The following SMARCAL1 variants were observed in gnomAD, a reference collection of about 807,000 sequenced individuals.
SMARCAL1 encodes ATP-driven annealing helicase.
SMARCAL1 carries 58 observed loss-of-function variants against 94.5 expected under a neutral mutation model. That is an observed-to-expected ratio of 0.61 (90% CI 0.50 to 0.76). SMARCAL1 has a LOEUF of 0.76. SMARCAL1 is among the 30% of genes least tolerant of loss of function. The probability of loss-of-function intolerance (pLI) is 0.00; values close to 1 mark genes in which losing one functional copy is unlikely to be tolerated. For synonymous variants in SMARCAL1, 422 were observed against 455.1 expected, an observed-to-expected ratio of 0.93 and a Z score of 0.93; for missense variants, 1,051 against 1,177.9, an observed-to-expected ratio of 0.89 and a Z score of 1.58.
At chr2:216,457,932 C>A (rs535510666) in intron 12 of SMARCAL1, among the ~76,000 whole-genome samples, 1 of 152,056 alleles carries the variant, frequency 6.6e-6, no homozygotes, top group African/African-American at 2.4e-5. Context: ...AATTGATAGA[C>A]CACTAGCAAG....
chr2:216,452,602 A>C (rs1262709990), intron 12 of SMARCAL1, among the ~76,000 whole-genome samples: 1 of 152,176 alleles, frequency 6.6e-6, no homozygotes, highest in Non-Finnish European at 1.5e-5. Flanking sequence ...CACCTCCTGA[A>C]CCAGTTTGAG....
intron 3 of SMARCAL1, 23 bp downstream of exon 3, chr2:216,415,538 G>GTTTTT: frequency 7.1e-7 from 1 of 1,399,858 alleles, no homozygotes. Flanking sequence ...TTTTTCAGCT[G>GTTTTT]TTTTTTTTTT....
At chr2:216,420,134 T>G (rs1407000727) in intron 4 of SMARCAL1, among the ~76,000 whole-genome samples, 165 bp from the exon 5 acceptor site, 1 of 152,058 alleles carries the variant, frequency 6.6e-6, no homozygotes, top group Non-Finnish European at 1.5e-5. Context: ...AAAAACACTT[T>G]CAAGTCTTCC....
rs761925475 is a variant in SMARCAL1, at chr2:216,475,839, C to T, written c.2427+388C>T. On this transcript the variant is annotated intron_variant, in intron 15 of 17. Transcript: ENST00000357276. The surrounding 1 kb of genome is among the most constrained non-coding windows in gnomAD (Gnocchi z 4.4). ...AGGATTATCGACTCCATTTTATCAA[C>T]GGGAAGGTTGAAGTCTTCCAGGGCT... is the stretch of plus-strand genomic sequence containing the variant. Among the ~76,000 whole-genome samples, 3 of 152,164 alleles carry T rather than the reference C, an allele frequency of 2.0e-5. No individual in the cohort carries two copies. Among genetic ancestry groups the T allele is most frequent in the South Asian group, 4.2e-4 (2 of 4,816 alleles).
chr2:216,476,313 G>T (rs374847398), intron 15 of SMARCAL1, among the ~76,000 whole-genome samples: 9 of 149,188 alleles, frequency 6.0e-5, no homozygotes, highest in East Asian at 5.8e-4. Flanking sequence ...ATGTTAGGTG[G>T]TTTTTTTTTT....
rs1001036860 is a variant in SMARCAL1 at position 216,449,383 on chromosome 2, T to C, written c.1852-1463T>C. On this transcript the variant is annotated intron_variant, in intron 11 of 17. Transcript: ENST00000357276. ...AATCCATAAGCCAGGGCTGCCTTTT[T>C]TTTTTCTTTTTCTTTTTCTTTTTCT... Among the ~76,000 whole-genome samples the C allele has an allele frequency of 3.3e-5, 5 of 150,534 alleles. No homozygotes were observed. In the East Asian group the frequency reaches 5.8e-4, roughly 18 times the overall value.
chr2:216,423,950 T>C (rs974210698), intron 6 of SMARCAL1, among the ~76,000 whole-genome samples: 131 of 152,326 alleles, frequency 8.6e-4, no homozygotes, highest in African/African-American at 3.1e-3. Flanking sequence ...ATCTTCCTGC[T>C]GTCATAGAAG....
intron 9 of SMARCAL1, 42 bp from the exon 10 acceptor site, chr2:216,438,378 C>T (rs1438016095): frequency 1.9e-6 from 3 of 1,562,656 alleles, no homozygotes; most frequent in Non-Finnish European, 1.8e-6. Context: ...TCTGTCCACT[C>T]AGGATTGGAT....
intron 6 of SMARCAL1, among the ~76,000 whole-genome samples, chr2:216,425,332 TACCACA>T (rs1693807198): frequency 6.6e-6 from 1 of 152,198 alleles, no homozygotes; most frequent in Non-Finnish European, 1.5e-5. Flanking sequence ...GGACTAGGCA[TACCACA>T]AGCAGCTTCT....
Position 216,451,046 on chromosome 2 carries a change from G to T in SMARCAL1, c.2052G>T (p.Met684Ile). Reference protein sequence around the residue: ...RAALDAAAKEMTTKDKTKQQQ... With the variant: ...RAALDAAAKEITTKDKTKQQQ... The stretch of plus-strand genomic sequence containing the variant: ...CCCTGGATGCTGCAGCCAAGGAAAT[G>T]ACCACCAAGGACAAAACTGTGAGTC... Residue 684 changes from methionine (M) to isoleucine (I), a missense_variant, in exon 12 of 18, where the codon ATG (methionine) becomes ATT (isoleucine). By Grantham distance (10) the Met-to-Ile change is conservative. Around this residue, in one of 3 missense-constraint regions of SMARCAL1, gnomAD observed 642 missense variants for 754.7 expected, o/e 0.85. Transcript: ENST00000357276. The T allele has an allele frequency of 6.2e-7, 1 of 1,614,040 alleles. No individual in the cohort carries two copies. The highest frequency in any genetic ancestry group is 1.1e-5 in the South Asian group (1 of 91,026).
At chr2:216,432,690 G>A (rs372726901) in intron 7 of SMARCAL1, 28 bp from the exon 8 acceptor site, 4 of 1,613,824 alleles carry the variant, frequency 2.5e-6, no homozygotes, top group African/African-American at 2.7e-5. Context: ...CCCGGGAAAT[G>A]TGCCATCCTC....
intron 3 of SMARCAL1, 106 bp from the exon 4 acceptor site, chr2:216,416,151 G>A (rs1693596255): frequency 2.2e-6 from 2 of 889,184 alleles, no homozygotes; most frequent in African/African-American, 3.3e-5. Flanking sequence ...TTGCTGGTCA[G>A]CTGTTTTGAA....
At chr2:216,436,190 AACTCCTGACCTC>A (rs1694078561) in intron 9 of SMARCAL1, among the ~76,000 whole-genome samples, 1 of 152,192 alleles carries the variant, frequency 6.6e-6, no homozygotes, top group Non-Finnish European at 1.5e-5. Flanking sequence ...GCTAGTCTCG[AACTCCTGACCTC>A]AGGTGATCCA....
chr2:216,437,807 A>G (rs1163850831), intron 9 of SMARCAL1, among the ~76,000 whole-genome samples: 1 of 151,896 alleles, frequency 6.6e-6, no homozygotes, highest in Non-Finnish European at 1.5e-5. Flanking sequence ...ATATGTATGT[A>G]TTTGCTTATG....
intron 11 of SMARCAL1, 106 bp downstream of exon 11, chr2:216,447,264 G>A: frequency 7.3e-7 from 1 of 1,365,384 alleles, no homozygotes; most frequent in Non-Finnish European, 1.0e-6. Context: ...AAGAGCACTG[G>A]CCAGGGGAAT....
Position 216,482,553 on chromosome 2 carries a change from A to G in SMARCAL1, c.2626-185A>G, listed in dbSNP as rs1394279171. Among the ~76,000 whole-genome samples the G allele has an allele frequency of 1.3e-5, 2 of 152,204 alleles. No homozygotes were observed. Among genetic ancestry groups the G allele is most frequent in the East Asian group, 3.8e-4 (2 of 5,202 alleles). ...CAGAGAGGGTAAGATGTCAGACACT[A>G]AAACAGTGAGGCTGCTTTAGTGATG... On this transcript the variant is annotated intron_variant, in intron 17 of 17. Coordinates refer to ENST00000357276, the MANE Select transcript of SMARCAL1 (RefSeq NM_014140.4). This position sits in a 1 kb window ranked among gnomAD's most constrained non-coding sequence, Gnocchi z 4.3.
Position 216,475,312 on chromosome 2 carries a change from A to G in SMARCAL1, c.2288A>G (p.Glu763Gly). 1 of 1,614,168 alleles carries G rather than the reference A, an allele frequency of 6.2e-7. No individual in the cohort carries two copies. Reference sequence around the variant, plus strand: ...ATCGATGGCTCCACCTCATCAGCTGAGCGGGAGGACCTGTGCCAGCAGTTC... The same window carrying G: ...ATCGATGGCTCCACCTCATCAGCTGGGCGGGAGGACCTGTGCCAGCAGTTC... The part of the protein sequence containing the change: ...IRIDGSTSSA[E>G]REDLCQQFQL... The change falls in exon 15 of 18, where the codon GAG becomes GGG. Residue 763 changes from glutamate (E) to glycine (G), a missense_variant. Physicochemically the swap from Glu to Gly is moderately conservative, Grantham distance 98. Around this residue, in one of 3 missense-constraint regions of SMARCAL1, gnomAD observed 642 missense variants for 754.7 expected, o/e 0.85. Coordinates refer to ENST00000357276, the MANE Select transcript of SMARCAL1 (RefSeq NM_014140.4). This position sits in a 1 kb window ranked among gnomAD's most constrained non-coding sequence, Gnocchi z 4.4.
intron 14 of SMARCAL1, among the ~76,000 whole-genome samples, chr2:216,469,007 C>T (rs1407537898): frequency 6.6e-6 from 1 of 152,074 alleles, no homozygotes; most frequent in African/African-American, 2.4e-5. Flanking sequence ...GCCACCACAC[C>T]CAGCCTGAAG....
intron 14 of SMARCAL1, among the ~76,000 whole-genome samples, chr2:216,474,628 G>A (rs1350638519): frequency 6.6e-5 from 10 of 151,726 alleles, no homozygotes; most frequent in African/African-American, 1.7e-4. Context: ...GGTGGTGTGC[G>A]CCTGTAATCC....
Sources: allele counts gnomAD v4.1 joint callset (sites outside exome capture counted in the v4.1 genomes callset), GRCh38; gene constraint gnomAD v4.1.1; regional missense constraint gnomAD v4.1.1; non-coding constraint Gnocchi (gnomAD v3.1); transcripts MANE v1.5; gene names NCBI Gene and HGNC (gene_info 2026-07-23, HGNC 2026-07-21).